The following ANK2 variants were observed in gnomAD, a reference collection of about 807,000 sequenced individuals.
The protein encoded by ANK2 is ankyrin 2, also known as ankyrin-2.
A neutral mutation model predicts 360.5 loss-of-function variants in ANK2; 83 were observed. That is an observed-to-expected ratio of 0.23 (90% CI 0.19 to 0.28). The LOEUF (loss-of-function observed/expected upper bound fraction) is 0.28, where lower values mean the gene tolerates loss of function less well. Among genes scored for constraint, ANK2 ranks in the 10% least tolerant of loss-of-function variants. ANK2 has a pLI of 1.00. For synonymous variants in ANK2, 1,740 were observed against 1,759.5 expected (o/e 0.99, Z 0.28); for missense variants, 4,201 against 4,795.7 (o/e 0.88, Z 3.66).
At chr4:112,939,997 C>T (rs1581556465) in intron 2 of ANK2, among the ~76,000 whole-genome samples, 1 of 152,124 alleles carries the variant, frequency 6.6e-6, no homozygotes, top group Non-Finnish European at 1.5e-5. Context: ...ATTTAAATGA[C>T]AGTTCTTATT....
chr4:113,276,328 T>C (rs929357982), intron 15 of ANK2, among the ~76,000 whole-genome samples: 2 of 152,144 alleles, frequency 1.3e-5, no homozygotes, highest in African/African-American at 4.8e-5. Context: ...AAATGAAATC[T>C]TGGTGAGATT....
At position 112,836,784 on chromosome 4, in the gene ANK2, A is replaced by G. The variant is rs1200497061; in HGVS notation, c.-40+18520A>G. On this transcript the variant is annotated intron_variant, in intron 1 of 30. Coordinates refer to the ANK2 transcript ENST00000503271. The stretch of plus-strand genomic sequence containing the variant: ...AGAAGACATTTCTAAGCAGCAAACC[A>G]TTCAAGAGGTGACCTGGTTTTTCCT... 4.6e-5 allele frequency among the ~76,000 whole-genome samples: 7 copies of G among 152,344 alleles called. No individual in the cohort carries two copies. In the South Asian group the frequency reaches 1.4e-3, roughly 32 times the overall value.
intron 1 of ANK2, chr4:113,116,912 G>A (rs1451453954): frequency 8.7e-6 from 2 of 229,904 alleles, no homozygotes; most frequent in South Asian, 1.4e-4. Flanking sequence ...TCTAAGGATG[G>A]CTTTTTCAAC....
intron 1 of ANK2, chr4:113,117,269 T>G (rs1372776362): frequency 2.2e-6 from 1 of 455,790 alleles, no homozygotes; most frequent in South Asian, 1.5e-5. Flanking sequence ...TGCTACTGCT[T>G]CTGCTGATTT....
chr4:113,298,102 T>C (rs866613377), intron 22 of ANK2, among the ~76,000 whole-genome samples: 19 of 152,288 alleles, frequency 1.2e-4, no homozygotes, highest in African/African-American at 4.3e-4. Flanking sequence ...GTGCAGAATC[T>C]TTTTAGACTT....
At chr4:113,018,500 G>C (rs774523907) in intron 2 of ANK2, among the ~76,000 whole-genome samples, 1 of 152,220 alleles carries the variant, frequency 6.6e-6, no homozygotes, top group Non-Finnish European at 1.5e-5. Context: ...CAGCTTGCTA[G>C]TTCAGAAATC....
the ANK2 span, among the ~76,000 whole-genome samples, chr4:112,746,585 A>G: frequency 6.6e-6 from 1 of 151,724 alleles, no homozygotes; most frequent in African/African-American, 2.4e-5. Context: ...TTTTCTGGAT[A>G]AAGGAAGCTG....
intron 2 of ANK2, among the ~76,000 whole-genome samples, chr4:112,939,153 T>C (rs1459270516): frequency 1.3e-5 from 2 of 152,184 alleles, no homozygotes; most frequent in Non-Finnish European, 2.9e-5. Flanking sequence ...TATTTTAAAA[T>C]TGTAATGGTT....
the ANK2 span, among the ~76,000 whole-genome samples, chr4:112,719,111 A>G: frequency 6.6e-6 from 1 of 152,162 alleles, no homozygotes; most frequent in Non-Finnish European, 1.5e-5. Flanking sequence ...CTTTACATGT[A>G]TTATTTCATC....
intron 1 of ANK2, among the ~76,000 whole-genome samples, chr4:113,130,887 C>T (rs1391500128): frequency 6.6e-6 from 1 of 152,140 alleles, no homozygotes; most frequent in African/African-American, 2.4e-5. Context: ...TGTACCAATG[C>T]ATAAACAGTT....
Position 113,357,473 on chromosome 4 carries a change from C to T in ANK2, c.8855C>T (p.Thr2952Ile), listed in dbSNP as rs1218072066. The change falls in exon 38 of 46, where the codon ACA (threonine) becomes ATA (isoleucine). Residue 2952 changes from threonine to isoleucine, a missense_variant. By Grantham distance (89) the Thr-to-Ile change is moderately conservative. Transcript: ENST00000357077. The stretch of plus-strand genomic sequence containing the variant: ...ACCCAAACAGATGCAAATCACACCA[C>T]AAGTTTTCACTCTTCTGAAGTGTAT... ...SKTQTDANHT[T>I]SFHSSEVYSV... The T allele has an allele frequency of 1.2e-6, 2 of 1,614,130 alleles. No homozygotes were observed. Among genetic ancestry groups the T allele is most frequent in the South Asian group, 1.1e-5 (1 of 91,082 alleles).
chr4:113,339,401 TTTA>T, intron 32 of ANK2, 79 bp downstream of exon 32: 1 of 1,178,396 alleles, frequency 8.5e-7, no homozygotes, highest in Non-Finnish European at 1.3e-6. Flanking sequence ...ATTTTGTTTC[TTTA>T]TTGTTTAAAA....
At chr4:113,295,394 G>T (rs1447851311) in intron 22 of ANK2, among the ~76,000 whole-genome samples, 1 of 152,104 alleles carries the variant, frequency 6.6e-6, no homozygotes, top group Non-Finnish European at 1.5e-5. Context: ...TCAGGTGAAT[G>T]ACTTCAAACA....
At chr4:112,746,522 A>AG in the ANK2 span, among the ~76,000 whole-genome samples, 2 of 151,216 alleles carry the variant, frequency 1.3e-5, no homozygotes, top group South Asian at 2.1e-4. Context: ...AAAAAAAAAA[A>AG]AGAGAAAAAG....
In ANK2 at chr4:113,357,554, G is replaced by C. The variant is rs1217618151; in HGVS notation, c.8936G>C (p.Gly2979Ala). The C allele has an allele frequency of 3.1e-6, 5 of 1,614,084 alleles. No homozygotes were observed. The highest frequency in any genetic ancestry group is 3.4e-6 in the Non-Finnish European group (4 of 1,179,974). The change falls in exon 38 of 46, where the codon GGA becomes GCA. Residue 2979 changes from glycine to alanine, a missense_variant. Around this residue, in one of 4 missense-constraint regions of ANK2, gnomAD observed 2,642 missense variants for 2,714.5 expected, o/e 0.97. Coordinates refer to ENST00000357077, the MANE Select transcript of ANK2 (RefSeq NM_001148.6). The part of the protein sequence containing the change: ...EDVVVASSSS[G>A]TVLSKESNFE... Reference sequence around the variant, plus strand: ...GTTGTAGTGGCAAGCTCCTCTAGTGGAACTGTTTTAAGCAAAGAATCTAAT... The same window carrying C: ...GTTGTAGTGGCAAGCTCCTCTAGTGCAACTGTTTTAAGCAAAGAATCTAAT...
intron 1 of ANK2, among the ~76,000 whole-genome samples, chr4:112,887,549 A>G (rs1282776969): frequency 6.6e-6 from 1 of 152,224 alleles, no homozygotes; most frequent in Non-Finnish European, 1.5e-5. Context: ...TATATGAATA[A>G]AAGATATGTG....
At chr4:112,721,738 CA>C in the ANK2 span, among the ~76,000 whole-genome samples, 4 of 151,924 alleles carry the variant, frequency 2.6e-5, no homozygotes, top group African/African-American at 9.7e-5. Flanking sequence ...ATGAAAGTGC[CA>C]GGATTTATTG....
the ANK2 span, among the ~76,000 whole-genome samples, chr4:112,715,965 T>TAC: frequency 2.0e-5 from 3 of 152,150 alleles, no homozygotes; most frequent in African/African-American, 7.2e-5. Flanking sequence ...ATGTACAAAA[T>TAC]ACATTTTGCT....
chr4:113,109,339 A>G (rs2094021752), intron 1 of ANK2, among the ~76,000 whole-genome samples: 1 of 152,128 alleles, frequency 6.6e-6, no homozygotes. Flanking sequence ...TGTCTTTGAC[A>G]TTACTTCTGC....
Sources: gnomAD v4.1 joint callset for allele counts (sites outside exome capture counted in the v4.1 genomes callset) on GRCh38, gnomAD v4.1.1 for gene constraint, gnomAD v4.1.1 regional missense constraint, MANE v1.5 for transcripts, NCBI Gene and HGNC (gene_info 2026-07-23, HGNC 2026-07-21) for gene names.